Variants in DDHD2 observed in about 807,000 individuals in gnomAD.
DDHD2 encodes the protein DDHD domain containing 2.
A neutral mutation model predicts 91.2 loss-of-function variants in DDHD2; 62 were observed. That is an observed-to-expected ratio of 0.68 (90% confidence interval 0.55 to 0.84). The LOEUF is 0.84. Among genes scored for constraint, DDHD2 ranks in the 40% least tolerant of loss-of-function variants. DDHD2 has a pLI of 0.00. For missense variants in DDHD2, 740 were observed against 846.9 expected (o/e 0.87, Z 1.57); for synonymous variants, 271 against 293.9 (o/e 0.92, Z 0.80).
intron 7 of DDHD2, 71 bp downstream of exon 7, chr8:38,242,456 CG>C: frequency 6.8e-7 from 1 of 1,477,776 alleles, no homozygotes. Context: ...TGCTTGGGGA[CG>C]TTTTTATGCT....
intron 2 of DDHD2, 22 bp from the exon 3 acceptor site, chr8:38,234,372 T>G (rs1804533507): frequency 3.3e-6 from 5 of 1,527,716 alleles, no homozygotes; most frequent in Non-Finnish European, 4.4e-6. Flanking sequence ...GTACTTCTTT[T>G]CCCCTTTTCA....
At chr8:38,259,930 G>A in intron 16 of DDHD2, 110 bp from the exon 17 acceptor site, 1 of 714,990 alleles carries the variant, frequency 1.4e-6, no homozygotes, top group South Asian at 1.8e-5. Flanking sequence ...CTTTGCAGAA[G>A]TAAAAAATAA....
downstream of DDHD2, chr8:38,266,239 C>T (rs368615121): frequency 8.1e-6 from 13 of 1,613,624 alleles, no homozygotes; most frequent in Admixed American, 5.0e-5. Flanking sequence ...AGATTTCCCA[C>T]GGCCTTGTGG....
intron 16 of DDHD2, among the ~76,000 whole-genome samples, chr8:38,254,053 G>C (rs1368431031): frequency 1.3e-5 from 2 of 149,340 alleles, no homozygotes; most frequent in African/African-American, 4.9e-5. Flanking sequence ...TCTAGCCTGG[G>C]TGACAGAGCA....
At chr8:38,270,294 A>G (rs1184419161) in intron 1 of DDHD2, 3 of 152,264 alleles carry the variant, frequency 2.0e-5, no homozygotes, top group Non-Finnish European at 4.4e-5. Flanking sequence ...AAGTACAGAA[A>G]TAACCAATCT....
intron 16 of DDHD2, among the ~76,000 whole-genome samples, chr8:38,257,238 G>GTTTTTT (rs749469533): frequency 7.8e-5 from 5 of 63,804 alleles, no homozygotes; most frequent in Admixed American, 2.6e-4. Context: ...TGGCCAACAA[G>GTTTTTT]TTTTTTTTTT....
At chr8:38,249,108 T>G (rs1805898640) in intron 10 of DDHD2, among the ~76,000 whole-genome samples, 1 of 151,726 alleles carries the variant, frequency 6.6e-6, no homozygotes, top group Admixed American at 6.6e-5. Context: ...CAAGGAAGTT[T>G]TTTTGTTTTG....
intron 10 of DDHD2, 114 bp downstream of exon 10, chr8:38,247,949 A>G: frequency 1.2e-6 from 1 of 815,884 alleles, no homozygotes; most frequent in East Asian, 2.8e-5. Flanking sequence ...TTTATGATTA[A>G]TGTTCCTTAG....
chr8:38,263,441 G>A, downstream of DDHD2: 1 of 985,334 alleles, frequency 1.0e-6, no homozygotes, highest in Non-Finnish European at 1.2e-6. Context: ...AAGCTCACAA[G>A]TACAGTTATG....
chr8:38,266,648 G>A (rs1807640192), downstream of DDHD2, among the ~76,000 whole-genome samples: 1 of 152,136 alleles, frequency 6.6e-6, no homozygotes, highest in Non-Finnish European at 1.5e-5. Context: ...TGACCTGCAT[G>A]CCTTGGCCTC....
At chr8:38,242,180 G>A (rs181883117) in intron 6 of DDHD2, 70 bp from the exon 7 acceptor site, 147 of 1,225,542 alleles carry the variant, frequency 1.2e-4, no homozygotes, top group Admixed American at 4.9e-4. Context: ...ATAATTACAT[G>A]ATTTGTTGCA....
downstream of DDHD2, chr8:38,263,497 C>T: frequency 2.0e-6 from 2 of 985,450 alleles, no homozygotes; most frequent in Non-Finnish European, 2.4e-6. Flanking sequence ...GCTGAAACCA[C>T]ACTCCTGACC....
chr8:38,270,006 T>G (rs1259303160), intron 1 of DDHD2: 1 of 152,260 alleles, frequency 6.6e-6, no homozygotes, highest in Non-Finnish European at 1.5e-5. Flanking sequence ...CGTTTCACAC[T>G]ATGCAATAAA....
Position 38,234,471 on chromosome 8 carries a change from GCTGTATA to G in DDHD2, c.302_308del (p.Val101GlyfsTer8). 1.2e-6 allele frequency: 2 copies of G among 1,613,252 alleles called. No individual in the cohort carries two copies. The highest frequency in any genetic ancestry group is 1.7e-6 in the Non-Finnish European group (2 of 1,179,880). On this transcript the variant is annotated frameshift_variant, in exon 3 of 18. Coordinates refer to ENST00000397166, the MANE Select transcript of DDHD2 (RefSeq NM_015214.3). LOFTEE classifies it high-confidence loss of function. ...TCATTTGGGGGAGAGGATGCGGTAT[GCTGTATA>G]CTGGGATGAACTGGCATCGGAAGTG...
At chr8:38,266,349 A>G (rs1393614600), downstream of DDHD2, 2 of 1,577,076 alleles carry the variant, frequency 1.3e-6, no homozygotes, top group Non-Finnish European at 1.7e-6. Context: ...TTGTCTTTTA[A>G]AGGAAGCTAC....
downstream of DDHD2, chr8:38,266,343 CT>C: frequency 6.3e-7 from 1 of 1,588,628 alleles, no homozygotes; most frequent in African/African-American, 1.3e-5. Flanking sequence ...AGTGGTTTGT[CT>C]TTTAAAGGAA....
chr8:38,245,931 C>CATTGCTGG lies in DDHD2; in HGVS notation c.1039_1046dup (p.His350LeufsTer6). On this transcript the variant is annotated frameshift_variant, in exon 8 of 18. Coordinates refer to ENST00000397166, the MANE Select transcript of DDHD2 (RefSeq NM_015214.3). LOFTEE classifies it high-confidence loss of function. Reference sequence around the variant, plus strand: ...ACCCTGATTTCAAAGGGGGTGTATCCATTGCTGGTCATAGTTTAGGTAACA... The same window carrying CATTGCTGG: ...ACCCTGATTTCAAAGGGGGTGTATCCATTGCTGGATTGCTGGTCATAGTTTAGGTAACA... 2 of 1,613,540 alleles carry CATTGCTGG rather than the reference C, an allele frequency of 1.2e-6. No individual in the cohort carries two copies. Among genetic ancestry groups the CATTGCTGG allele is most frequent in the Non-Finnish European group, 1.7e-6 (2 of 1,179,976 alleles).
Position 38,260,605 on chromosome 8 carries a change from C to T in DDHD2, c.*32C>T, listed in dbSNP as rs973796243. ...TCTCCCACTTTCTTCCCTAGACGGACATTGAGGGATCCTTCCCCAGAAAAT... is the reference window on the plus strand; with the variant it reads ...TCTCCCACTTTCTTCCCTAGACGGATATTGAGGGATCCTTCCCCAGAAAAT... On this transcript the variant is annotated 3_prime_UTR_variant, in exon 18 of 18. Transcript: ENST00000397166. The T allele has an allele frequency of 2.0e-5, 3 of 153,262 alleles. No homozygotes were observed. Among genetic ancestry groups the T allele is most frequent in the African/African-American group, 7.2e-5 (3 of 41,422 alleles). The allele number at this position is 153,262 out of a possible 1,614,324, so 9.5% of individuals were successfully genotyped here.
At chr8:38,270,232 G>GTGAT (rs1210613824) in intron 1 of DDHD2, 2 of 152,182 alleles carry the variant, frequency 1.3e-5, no homozygotes, top group East Asian at 3.8e-4. Context: ...CAAGTCTCAA[G>GTGAT]TGATTTAGGC....
Sources: allele counts gnomAD v4.1 joint callset (sites outside exome capture counted in the v4.1 genomes callset), GRCh38; gene constraint gnomAD v4.1.1; transcripts MANE v1.5; gene names NCBI Gene and HGNC (gene_info 2026-07-23, HGNC 2026-07-21).